The following SGSM2 variants were observed in gnomAD, a reference collection of about 807,000 sequenced individuals.
The protein encoded by SGSM2 is RUN and TBC1 domain containing 1.
In SGSM2, 89 loss-of-function variants were observed where a neutral mutation model predicts 126.6. That is an observed-to-expected ratio of 0.70 (90% confidence interval 0.59 to 0.84). The LOEUF is 0.84. SGSM2 is among the 40% of genes least tolerant of loss of function. The pLI, the probability that SGSM2 is intolerant of heterozygous loss-of-function variation, is 0.00. For synonymous variants in SGSM2, 614 were observed against 574.3 expected (o/e 1.07, Z -0.99); for missense variants, 1,404 against 1,416.6 (o/e 0.99, Z 0.14).
rs549399530 is a variant in SGSM2 at position 2,344,957 on chromosome 17, T to C, written c.133+1337T>C. ...TGTAAGCACTCAAAGAATATTCGTC[T>C]CTCCTCCTTTGGCTGTTGAGGCTGA... On this transcript the variant is annotated intron_variant, in intron 2 of 23. Transcript: ENST00000268989. Among the ~76,000 whole-genome samples the C allele has an allele frequency of 2.6e-5, 4 of 152,272 alleles. No individual in the cohort carries two copies. In the South Asian group the frequency reaches 8.3e-4, roughly 32 times the overall value.
chr17:2,348,581 G>A (rs2064707686), intron 2 of SGSM2, among the ~76,000 whole-genome samples: 1 of 152,032 alleles, frequency 6.6e-6, no homozygotes, highest in South Asian at 2.1e-4. Flanking sequence ...GGGACTTTGG[G>A]GTCACACAGA....
chr17:2,346,397 A>G (rs1425279119), intron 2 of SGSM2, among the ~76,000 whole-genome samples: 5 of 152,188 alleles, frequency 3.3e-5, no homozygotes, highest in African/African-American at 1.2e-4. Flanking sequence ...TAGAATGCAG[A>G]CATTTAAACA....
Position 2,347,210 on chromosome 17 carries a change from A to G in SGSM2, c.133+3590A>G, listed in dbSNP as rs146943834. The stretch of plus-strand genomic sequence containing the variant: ...AACCTCCGCCTCTCAGGTTCAAGCA[A>G]TTCTCCTGCCTCAGCCTCCTGAGTA... On this transcript the variant is annotated intron_variant, in intron 2 of 23. Coordinates refer to ENST00000268989, the MANE Select transcript of SGSM2 (RefSeq NM_014853.3). 3.4e-3 allele frequency among the ~76,000 whole-genome samples: 518 copies of G among 152,178 alleles called. 4 individuals are homozygous for G. The highest frequency in any genetic ancestry group is 0.012 in the African/African-American group (489 of 41,518).
rs759825165 is a variant in SGSM2, at chr17:2,374,860, C to G, written c.2101-632C>G. On this transcript the variant is annotated intron_variant, in intron 17 of 23. Coordinates refer to ENST00000268989, the MANE Select transcript of SGSM2 (RefSeq NM_014853.3). ...CATTGCTTTCCCTACGTGGTGAAAA[C>G]AGAGAGAGAAAAATCCCAAACAGTC... is the stretch of plus-strand genomic sequence containing the variant. 1.2e-3 allele frequency among the ~76,000 whole-genome samples: 187 copies of G among 152,198 alleles called. 2 individuals carry two copies. Among genetic ancestry groups the G allele is most frequent in the Middle Eastern group, 6.3e-3 (2 of 316 alleles).
At chr17:2,375,261 T>C (rs73976521) in intron 17 of SGSM2, 66,394 of 481,198 alleles carry the variant, frequency 0.14, 7,959 homozygotes, top group African/African-American at 0.44. Context: ...GGGCTGTTCC[T>C]TCAAGCAGGG....
chr17:2,378,957 C>T lies in SGSM2; in HGVS notation c.2900-79C>T, dbSNP rs1232576910. On this transcript the variant is annotated intron_variant, in intron 22 of 23. Transcript: ENST00000268989. ...CTCAGCCTCAGCCCCAGCCTCAATC[C>T]CAGCCTCAGCCTCAATCCCAGCCTC... 12 of 1,500,768 alleles carry T rather than the reference C, an allele frequency of 8.0e-6. No homozygotes were observed. In the Middle Eastern group the frequency reaches 1.7e-3, roughly 218 times the overall value. The allele number at this position is 1,500,768 out of a possible 1,614,324, so 93.0% of individuals were successfully genotyped here. A position where few individuals can be genotyped will look rare whatever the true frequency, so the allele number is the denominator to read the frequency against.
rs753434227 is a variant in SGSM2 at position 2,380,105 on chromosome 17, G to A, written c.*585G>A. On this transcript the variant is annotated 3_prime_UTR_variant, in exon 24 of 24. Coordinates refer to ENST00000268989, the MANE Select transcript of SGSM2 (RefSeq NM_014853.3). The stretch of plus-strand genomic sequence containing the variant: ...GCTCCCCCGAGATTCTGGGGCAGTC[G>A]GAAGATGTGGGCCCTGGGTGGGAGC... The A allele has an allele frequency of 1.7e-5, 24 of 1,396,110 alleles. 1 individual carries two copies. The highest frequency in any genetic ancestry group is 5.9e-5 in the African/African-American group (4 of 67,896). The allele number at this position is 1,396,110 out of a possible 1,614,324, so 86.5% of individuals were successfully genotyped here. A position where few individuals can be genotyped will look rare whatever the true frequency, so the allele number is the denominator to read the frequency against.
At position 2,379,448 on chromosome 17, in the gene SGSM2, C is replaced by T. The variant is rs778629690; in HGVS notation, c.3084C>T (p.His1028=). The T allele has an allele frequency of 1.1e-5, 18 of 1,613,186 alleles. No homozygotes were observed. Among genetic ancestry groups the T allele is most frequent in the South Asian group, 9.9e-5 (9 of 91,028 alleles). Residue 1028 remains histidine, a synonymous_variant, in exon 24 of 24, where the codon CAC becomes CAT. Coordinates refer to ENST00000268989, the MANE Select transcript of SGSM2 (RefSeq NM_014853.3). ...TCCCCCCAGAACGTGCTGAGCATCA[C>T]GATGCCCAGGAGATCCTGCGGATTG... is the stretch of plus-strand genomic sequence containing the variant. ...IKFFNERAEH[H]DAQEILRIAR... is the part of the protein sequence containing the mutation.
rs1475782602 is a variant in SGSM2 at position 2,372,603 on chromosome 17, G to A, written c.1788+115G>A. The stretch of plus-strand genomic sequence containing the variant: ...GTTGACAGGCCAGGGCCGATGCCAC[G>A]GAGTGACCAGGGTCCCGGCAGAATC... On this transcript the variant is annotated intron_variant, in intron 15 of 23. Coordinates refer to ENST00000268989, the MANE Select transcript of SGSM2 (RefSeq NM_014853.3). The surrounding 1 kb of genome is among the most constrained non-coding windows in gnomAD (Gnocchi z 6.0). 20 of 1,378,794 alleles carry A rather than the reference G, an allele frequency of 1.5e-5. No individual in the cohort carries two copies. Among genetic ancestry groups the A allele is most frequent in the Middle Eastern group, 4.7e-4 (2 of 4,252 alleles). 85.4% of individuals were successfully genotyped at this position (1,378,794 alleles called of 1,614,324 possible).
At chr17:2,365,191 G>T in intron 10 of SGSM2, 24 bp from the exon 11 acceptor site, 1 of 1,601,238 alleles carries the variant, frequency 6.2e-7, no homozygotes, top group Non-Finnish European at 8.5e-7. Flanking sequence ...TATACAGCCC[G>T]ACCACCTACC....
At chr17:2,371,099 C>T (rs978850624) in intron 12 of SGSM2, among the ~76,000 whole-genome samples, 163 bp from the exon 13 acceptor site, 5 of 152,222 alleles carry the variant, frequency 3.3e-5, no homozygotes, top group African/African-American at 1.2e-4. Context: ...CTCTCCCTAC[C>T]GTTTCCATCT....
At position 2,367,178 on chromosome 17, in the gene SGSM2, C is replaced by T. The variant is rs1332145066; in HGVS notation, c.1289-93C>T. The T allele has an allele frequency of 5.0e-6, 7 of 1,404,764 alleles. No homozygotes were observed. Among genetic ancestry groups the T allele is most frequent in the Middle Eastern group, 2.1e-4 (1 of 4,790 alleles). 87.0% of individuals were successfully genotyped at this position (1,404,764 alleles called of 1,614,324 possible). A position where few individuals can be genotyped will look rare whatever the true frequency, so the allele number is the denominator to read the frequency against. ...TGTGCCCTGCAGATTCACGATGACCCCGGCCTCCATTCCACTCCCCTTAAG... is the reference window on the plus strand; with the variant it reads ...TGTGCCCTGCAGATTCACGATGACCTCGGCCTCCATTCCACTCCCCTTAAG... On this transcript the variant is annotated intron_variant, in intron 11 of 23. Transcript: ENST00000268989. The surrounding 1 kb of genome is among the most constrained non-coding windows in gnomAD (Gnocchi z 4.0).
chr17:2,342,441 A>C (rs145213487), intron 1 of SGSM2, among the ~76,000 whole-genome samples: 16 of 151,836 alleles, frequency 1.1e-4, no homozygotes, highest in East Asian at 9.8e-4. Context: ...AACAAACAAA[A>C]AAAGTATAAA....
rs904764719 is a variant in SGSM2, at chr17:2,373,731, G to T, written c.2100+218G>T. On this transcript the variant is annotated intron_variant, in intron 17 of 23. Transcript: ENST00000268989. ...TAGGAATAAAGTGAGAGAGTGCATTGTGCTCAGTTTTAGCCAACTATAGGG... is the reference window on the plus strand; with the variant it reads ...TAGGAATAAAGTGAGAGAGTGCATTTTGCTCAGTTTTAGCCAACTATAGGG... 6 of 564,874 alleles carry T rather than the reference G, an allele frequency of 1.1e-5. No homozygotes were observed. In the East Asian group the frequency reaches 1.7e-4, roughly 16 times the overall value. 35.0% of individuals were successfully genotyped at this position (564,874 alleles called of 1,614,324 possible). A position where few individuals can be genotyped will look rare whatever the true frequency, so the allele number is the denominator to read the frequency against.
chr17:2,353,394 C>T (rs2064955381), intron 2 of SGSM2, among the ~76,000 whole-genome samples: 1 of 152,118 alleles, frequency 6.6e-6, no homozygotes, highest in South Asian at 2.1e-4. Context: ...TAGTGCTGGT[C>T]ACCCACTCAA....
At chr17:2,375,965 G>A (rs1486824684) in intron 18 of SGSM2, 90 bp downstream of exon 18, 7 of 1,509,356 alleles carry the variant, frequency 4.6e-6, no homozygotes, top group South Asian at 2.6e-5. Context: ...GGTGGAAGGC[G>A]GGGCGCCCTG....
At position 2,379,720 on chromosome 17, in the gene SGSM2, C is replaced by T. The variant is rs1174233541; in HGVS notation, c.*200C>T. The T allele has an allele frequency of 3.7e-5, 52 of 1,411,378 alleles. No individual in the cohort carries two copies. The South Asian group carries it at 4.3e-4, about 12-fold the overall frequency. 87.4% of individuals were successfully genotyped at this position (1,411,378 alleles called of 1,614,324 possible). A position where few individuals can be genotyped will look rare whatever the true frequency, so the allele number is the denominator to read the frequency against. ...GGCCAGGATGCCCTCGGATCAGGGC[C>T]GGGATGGGAGGGGTCAGCCTCAGGG... On this transcript the variant is annotated 3_prime_UTR_variant, in exon 24 of 24. Coordinates refer to ENST00000268989, the MANE Select transcript of SGSM2 (RefSeq NM_014853.3).
chr17:2,341,631 T>G (rs989701330), intron 1 of SGSM2, among the ~76,000 whole-genome samples: 1 of 152,172 alleles, frequency 6.6e-6, no homozygotes, highest in Non-Finnish European at 1.5e-5. Flanking sequence ...TACCCAAGGC[T>G]CACTTTATGT....
At chr17:2,354,215 T>TTTGTTTGTTTTTTTTG (rs1555596809) in intron 2 of SGSM2, among the ~76,000 whole-genome samples, 1 of 151,690 alleles carries the variant, frequency 6.6e-6, no homozygotes, top group Non-Finnish European at 1.5e-5. Context: ...CCTAGAGTTT[T>TTTGTTTGTTTTTTTTG]TTTGTTTGTT....
Sources: gnomAD v4.1 joint callset for allele counts (sites outside exome capture counted in the v4.1 genomes callset) on GRCh38, gnomAD v4.1.1 for gene constraint, Gnocchi (gnomAD v3.1) non-coding constraint, MANE v1.5 for transcripts, NCBI Gene and HGNC (gene_info 2026-07-23, HGNC 2026-07-21) for gene names.